The following KIF1A variants were observed in gnomAD, a reference collection of about 807,000 sequenced individuals.
KIF1A encodes kinesin family member 1A.
A neutral mutation model predicts 227.3 loss-of-function variants in KIF1A; 46 were observed. The observed-to-expected ratio is 0.20, with a 90% CI of 0.16 to 0.26. The LOEUF (loss-of-function observed/expected upper bound fraction) is 0.26. Among genes scored for constraint, KIF1A ranks in the 10% least tolerant of loss-of-function variants. The pLI is 1.00. For synonymous variants in KIF1A, 1,022 were observed against 1,012.8 expected, an observed-to-expected ratio of 1.01 and a Z score of -0.17; for missense variants, 1,683 against 2,485.9, an observed-to-expected ratio of 0.68 and a Z score of 6.87.
rs75944662 is a variant in KIF1A at position 240,726,781 on chromosome 2, G to C, written c.4122+45C>G. 4.3e-4 allele frequency: 509 copies of C among 1,195,272 alleles called. 2 individuals are homozygous for C. In the East Asian group the frequency reaches 0.011, roughly 27 times the overall value. The allele number at this position is 1,195,272 out of a possible 1,614,324, so 74.0% of individuals were successfully genotyped here. On this transcript the variant is annotated intron_variant, in intron 39 of 48. Coordinates refer to ENST00000498729, the MANE Select transcript of KIF1A (RefSeq NM_001244008.2). The surrounding 1 kb of genome is among the most constrained non-coding windows in gnomAD (Gnocchi z 5.2). Reference sequence around the variant, plus strand: ...GAGCTTACAAGAACCTCAAGCTTCAGGGGCTGAGTGGTTTTGGTGGAGTGC... The same window carrying C: ...GAGCTTACAAGAACCTCAAGCTTCACGGGCTGAGTGGTTTTGGTGGAGTGC...
chr2:240,732,666 A>G (rs1308304892), intron 38 of KIF1A, among the ~76,000 whole-genome samples: 1 of 85,260 alleles, frequency 1.2e-5, no homozygotes, highest in East Asian at 4.1e-4. Context: ...TAAGGGGATG[A>G]GGAGTTCGGG....
chr2:240,774,347 A>C, intron 11 of KIF1A, 86 bp from the exon 12 acceptor site: 4 of 756,538 alleles, frequency 5.3e-6, no homozygotes, highest in Non-Finnish European at 6.7e-6. Flanking sequence ...ACATTTACAG[A>C]TGGGGAGGCT....
rs2055803974 is a variant in KIF1A at position 240,792,226 on chromosome 2, C to G, written c.107-2914G>C. 6.6e-6 allele frequency among the ~76,000 whole-genome samples: 1 copy of G among 152,216 alleles called. No homozygotes were observed. The highest frequency in any genetic ancestry group is 2.4e-5 in the African/African-American group (1 of 41,460). On this transcript the variant is annotated intron_variant, in intron 2 of 48. Coordinates refer to ENST00000498729, the MANE Select transcript of KIF1A (RefSeq NM_001244008.2). This position sits in a 1 kb window ranked among gnomAD's most constrained non-coding sequence, Gnocchi z 4.5. ...CAGCCCCTCCTTCAGCAGCCTGCTT[C>G]TCACAGAGACCTCCCCGATTCTGCT...
rs938897236 is a variant in KIF1A at position 240,782,583 on chromosome 2, C to T, written c.882+7G>A. 9 of 1,552,332 alleles carry T rather than the reference C, an allele frequency of 5.8e-6. No individual in the cohort carries two copies. The highest frequency in any genetic ancestry group is 4.8e-5 in the South Asian group (4 of 84,134). On this transcript the variant is annotated splice_region_variant and intron_variant, in intron 10 of 48. Transcript: ENST00000498729. Reference sequence around the variant, plus strand: ...CACCTGCCCCGGGGCTGAAGGAAGCCGCTTACCTTGTTGGGTCCGGAGTCC... The same window carrying T: ...CACCTGCCCCGGGGCTGAAGGAAGCTGCTTACCTTGTTGGGTCCGGAGTCC...
intron 1 of KIF1A, among the ~76,000 whole-genome samples, chr2:240,806,143 G>A (rs1013455247): frequency 6.6e-6 from 1 of 152,244 alleles, no homozygotes; most frequent in African/African-American, 2.4e-5. Flanking sequence ...TCTGCCTGGA[G>A]GCAGGCACAG....
At chr2:240,787,964 C>G (rs940959449) in intron 4 of KIF1A, 87 bp downstream of exon 4, 1 of 1,317,046 alleles carries the variant, frequency 7.6e-7, no homozygotes, top group African/African-American at 1.5e-5. Flanking sequence ...GGGGGCTGCT[C>G]TCAGGGGTGC....
chr2:240,727,777 C>T (rs562739197), intron 38 of KIF1A, among the ~76,000 whole-genome samples: 61 of 152,326 alleles, frequency 4.0e-4, no homozygotes, highest in African/African-American at 1.2e-3. Context: ...AACCACGTTC[C>T]GCAAACACCT....
Position 240,737,143 on chromosome 2 carries a change from G to A in KIF1A, c.3927C>T (p.Thr1309=), listed in dbSNP as rs745933421. 17 of 1,613,506 alleles carry A rather than the reference G, an allele frequency of 1.1e-5. No homozygotes were observed. Among genetic ancestry groups the A allele is most frequent in the Admixed American group, 3.3e-5 (2 of 59,990 alleles). Residue 1309 remains threonine, a synonymous_variant, in exon 38 of 49, where the codon ACC becomes ACT. Coordinates refer to ENST00000498729, the MANE Select transcript of KIF1A (RefSeq NM_001244008.2). ...VVGRIRNTPE[T]DESLIDPNIL... is the part of the protein sequence containing the mutation. ...TGTTGGGGTCGATCAGGGACTCGTC[G>A]GTCTCTGGAGTGTTTCGGATGCGGC... is the stretch of plus-strand genomic sequence containing the variant.
rs1390537317 is a variant in KIF1A at position 240,724,931 on chromosome 2, C to CGGG, written c.4256+339_4256+340insCCC. On this transcript the variant is annotated intron_variant, in intron 40 of 48. Transcript: ENST00000498729. ...GGTCCTCAGGGAAGAAGGTCACCGGCGGCGGGGGGGGGGGGGGGGGAACGG... is the reference window on the plus strand; with the variant it reads ...GGTCCTCAGGGAAGAAGGTCACCGGCGGGGGCGGGGGGGGGGGGGGGGGAACGG... 159 of 42,044 alleles carry CGGG rather than the reference C, an allele frequency of 3.8e-3. 40 individuals carry two copies. Among genetic ancestry groups the CGGG allele is most frequent in the Non-Finnish European group, 5.7e-3 (119 of 20,824 alleles). 2.6% of individuals were successfully genotyped at this position (42,044 alleles called of 1,614,324 possible).
upstream of KIF1A, among the ~76,000 whole-genome samples, chr2:240,820,700 T>C (rs908319860): frequency 5.3e-5 from 8 of 151,978 alleles, no homozygotes; most frequent in Admixed American, 1.3e-4. This position sits in a 1 kb window ranked among gnomAD's most constrained non-coding sequence, Gnocchi z 6.2. Context: ...GGAGGGCTCC[T>C]TGCGCCAGGG....
chr2:240,725,080 T>C lies in KIF1A; in HGVS notation c.4256+191A>G, dbSNP rs1032078385. On this transcript the variant is annotated intron_variant, in intron 40 of 48. Transcript: ENST00000498729. The surrounding 1 kb of genome is among the most constrained non-coding windows in gnomAD (Gnocchi z 5.8). ...GTGTCAGTGTCCCCTGCAGGAACCA[T>C]GGCCTCCACAGAGTCTTCATCTAGG... is the stretch of plus-strand genomic sequence containing the variant. Among the ~76,000 whole-genome samples, 35 of 98,070 alleles carry C rather than the reference T, an allele frequency of 3.6e-4. No homozygotes were observed. The highest frequency in any genetic ancestry group is 4.9e-3 in the Middle Eastern group (1 of 204). The allele number at this position is 98,070 out of a possible 152,430, so 64.3% of individuals were successfully genotyped here.
rs2125574925 is a variant in KIF1A at position 240,719,831 on chromosome 2, T to C, written c.4964A>G (p.Glu1655Gly). Reference sequence around the variant, plus strand: ...CAGGCGCTGGGGCTCCTTGTCTGTCTCTGTTGCCCGGGCAGGGGAAGGGAG... The same window carrying C: ...CAGGCGCTGGGGCTCCTTGTCTGTCCCTGTTGCCCGGGCAGGGGAAGGGAG... ...KKLPSPARAT[E>G]TDKEPQRLLV... is the part of the protein sequence containing the mutation. The change falls in exon 46 of 49, where the codon GAG (glutamate) becomes GGG (glycine). Residue 1655 changes from glutamate to glycine, a missense_variant. Physicochemically the swap from Glu to Gly is moderately conservative, Grantham distance 98. Around this residue, in one of 12 missense-constraint regions of KIF1A, gnomAD observed 384 missense variants for 410.1 expected, o/e 0.94. Coordinates refer to ENST00000498729, the MANE Select transcript of KIF1A (RefSeq NM_001244008.2). 5 of 1,611,196 alleles carry C rather than the reference T, an allele frequency of 3.1e-6. No individual in the cohort carries two copies. The highest frequency in any genetic ancestry group is 4.2e-6 in the Non-Finnish European group (5 of 1,178,938).
chr2:240,788,222 G>A lies in KIF1A; in HGVS notation c.192C>T (p.Asp64=). ...YSYWSHTSPE[D]INYASQKQVY... is the part of the protein sequence containing the mutation. ...CCTGCTTCTGCGACGCGTAGTTGAT[G>A]TCCTCAGGCTGGAGGACGAGGAAGG... The change falls in exon 4 of 49, where the codon GAC becomes GAT. Residue 64 remains aspartate (D), a synonymous_variant. Transcript: ENST00000498729. This position sits in a 1 kb window ranked among gnomAD's most constrained non-coding sequence, Gnocchi z 6.6. 1 of 1,613,754 alleles carries A rather than the reference G, an allele frequency of 6.2e-7. No individual in the cohort carries two copies.
At chr2:240,819,160 C>T (rs1416305394) in intron 1 of KIF1A, among the ~76,000 whole-genome samples, 1 of 152,174 alleles carries the variant, frequency 6.6e-6, no homozygotes, top group Admixed American at 6.5e-5. Context: ...GATGCTGCCC[C>T]GGCCCTTCCC....
intron 45 of KIF1A, 112 bp from the exon 46 acceptor site, chr2:240,720,038 C>CTGAGGT: frequency 9.2e-7 from 1 of 1,083,998 alleles, no homozygotes; most frequent in Non-Finnish European, 1.3e-6. Context: ...AGGGCACCTT[C>CTGAGGT]GCAGGGTCTC....
chr2:240,720,592 C>T (rs1219980597), intron 45 of KIF1A: 1 of 213,696 alleles, frequency 4.7e-6, no homozygotes, highest in African/African-American at 2.3e-5. Context: ...GGCTCTCATG[C>T]CCTCTTTCGT....
intron 24 of KIF1A, 148 bp downstream of exon 24, chr2:240,761,081 C>T: frequency 1.9e-6 from 2 of 1,062,276 alleles, no homozygotes; most frequent in South Asian, 3.1e-5. Context: ...ACTGCCCACC[C>T]TTCTGGGGGG....
In KIF1A at chr2:240,788,979, A is replaced by G. The variant is rs1355183371; in HGVS notation, c.183+257T>C. Among the ~76,000 whole-genome samples the G allele has an allele frequency of 1.3e-5, 2 of 152,082 alleles. No homozygotes were observed. Among genetic ancestry groups the G allele is most frequent in the African/African-American group, 4.8e-5 (2 of 41,408 alleles). Reference sequence around the variant, plus strand: ...TTCTGACTTTGGGATGTCTGGGGGAAAAGTCACCAGCAGATGGACGTACAC... The same window carrying G: ...TTCTGACTTTGGGATGTCTGGGGGAGAAGTCACCAGCAGATGGACGTACAC... On this transcript the variant is annotated intron_variant, in intron 3 of 48. Transcript: ENST00000498729. The surrounding 1 kb of genome is among the most constrained non-coding windows in gnomAD (Gnocchi z 6.6).
chr2:240,779,254 ACACTCAGTTCCT>A (rs1376028514), intron 10 of KIF1A, among the ~76,000 whole-genome samples: 3 of 136,326 alleles, frequency 2.2e-5, no homozygotes, highest in African/African-American at 9.1e-5. Context: ...ACTCAGTTCC[ACACTCAGTTCCT>A]CACTCACTTC....
Sources: gnomAD v4.1 joint callset for allele counts (sites outside exome capture counted in the v4.1 genomes callset) on GRCh38, gnomAD v4.1.1 for gene constraint, gnomAD v4.1.1 regional missense constraint, Gnocchi (gnomAD v3.1) non-coding constraint, MANE v1.5 for transcripts, NCBI Gene and HGNC (gene_info 2026-07-23, HGNC 2026-07-21) for gene names.